SAE1: variants seen among roughly 807,000 people sequenced by gnomAD.
SAE1 encodes the protein SUMO-activating enzyme subunit 1.
SAE1 carries 11 observed loss-of-function variants against 40.6 expected under a neutral mutation model. That is an observed-to-expected ratio of 0.27 (90% CI 0.17 to 0.45). The LOEUF is 0.45. Ranked by LOEUF, SAE1 falls within the 20% of genes least tolerant of loss-of-function variation. SAE1 has a pLI of 1.00. For synonymous variants in SAE1, 155 were observed against 154.3 expected (o/e 1.00, Z -0.03); for missense variants, 373 against 427.3 (o/e 0.87, Z 1.12).
intron 6 of SAE1, among the ~76,000 whole-genome samples, chr19:47,191,659 A>G (rs1487005008): frequency 1.3e-5 from 2 of 152,134 alleles, no homozygotes; most frequent in East Asian, 3.8e-4. Context: ...TTTCTTTGTT[A>G]CTGGGACACA....
At chr19:47,138,346 A>G (rs1257405027) in intron 1 of SAE1, among the ~76,000 whole-genome samples, 2 of 152,218 alleles carry the variant, frequency 1.3e-5, no homozygotes, top group Non-Finnish European at 2.9e-5. Flanking sequence ...GCCTGGCCAG[A>G]AGTTACCTTC....
chr19:47,209,280 C>T lies in SAE1; in HGVS notation c.*29C>T, dbSNP rs776202876. On this transcript the variant is annotated 3_prime_UTR_variant, in exon 9 of 9. Coordinates refer to ENST00000270225, the MANE Select transcript of SAE1 (RefSeq NM_005500.3). ...CAAGATTTGGCAGCCCCAGAGATGC[C>T]AACTGCAGCATGCCCACCTGTATTC... 1 of 1,614,120 alleles carries T rather than the reference C, an allele frequency of 6.2e-7. No homozygotes were observed.
intron 6 of SAE1, among the ~76,000 whole-genome samples, chr19:47,178,154 T>A (rs1044028908): frequency 8.6e-5 from 13 of 151,556 alleles, no homozygotes; most frequent in African/African-American, 3.2e-4. Flanking sequence ...GGCAGGAGAA[T>A]CGCTTGAAAA....
intron 6 of SAE1, among the ~76,000 whole-genome samples, chr19:47,172,071 A>AG (rs1414817080): frequency 2.0e-5 from 3 of 151,104 alleles, no homozygotes; most frequent in Admixed American, 6.6e-5. Flanking sequence ...GGTGCCCACC[A>AG]GCACACCCAG....
At chr19:47,203,840 C>A (rs569646417) in intron 8 of SAE1, 100 bp downstream of exon 8, 2 of 1,046,306 alleles carry the variant, frequency 1.9e-6, no homozygotes, top group African/African-American at 3.1e-5. Context: ...TGCTTTCTCT[C>A]ACCCCATTCA....
chr19:47,168,409 T>G lies in SAE1; in HGVS notation c.628-1409T>G, dbSNP rs569162134. ...GCCTCGACCTCCTGTGCTAAAACAG[T>G]TCTCTTGCCTCAGCCTCCTGTGAAG... On this transcript the variant is annotated intron_variant, in intron 5 of 8. Coordinates refer to ENST00000270225, the MANE Select transcript of SAE1 (RefSeq NM_005500.3). 4.7e-4 allele frequency among the ~76,000 whole-genome samples: 71 copies of G among 151,990 alleles called. 1 individual carries two copies. The South Asian group carries it at 0.013, about 27-fold the overall frequency.
chr19:47,138,146 C>T (rs1294349418), intron 1 of SAE1, among the ~76,000 whole-genome samples: 1 of 152,156 alleles, frequency 6.6e-6, no homozygotes, highest in Non-Finnish European at 1.5e-5. Flanking sequence ...CGGGTTCAGG[C>T]AATTCTCCTG....
chr19:47,140,231 C>T (rs963738154), intron 1 of SAE1, among the ~76,000 whole-genome samples: 5 of 151,838 alleles, frequency 3.3e-5, no homozygotes, highest in African/African-American at 1.2e-4. Flanking sequence ...CTTAGCCTCC[C>T]GAGTAGCTGG....
chr19:47,182,506 C>T (rs1258195590), intron 6 of SAE1, among the ~76,000 whole-genome samples: 2 of 144,892 alleles, frequency 1.4e-5, no homozygotes, highest in East Asian at 2.2e-4. Flanking sequence ...TGCGCGCACG[C>T]ACGCGCGCGC....
chr19:47,164,699 A>G (rs2058380411), intron 5 of SAE1, among the ~76,000 whole-genome samples: 1 of 113,504 alleles, frequency 8.8e-6, no homozygotes, highest in African/African-American at 3.5e-5. Context: ...CCCAGGCGGG[A>G]GTGCAGTGGC....
intron 5 of SAE1, among the ~76,000 whole-genome samples, chr19:47,156,098 C>T (rs138012905): frequency 3.9e-4 from 59 of 151,422 alleles, no homozygotes; most frequent in Admixed American, 2.7e-3. Flanking sequence ...AGCAAGACCC[C>T]GTGTCTACAA....
chr19:47,173,791 T>C (rs949351606), intron 6 of SAE1, among the ~76,000 whole-genome samples: 16 of 150,992 alleles, frequency 1.1e-4, no homozygotes, highest in Middle Eastern at 3.4e-3. Flanking sequence ...CTTTTCTTTT[T>C]TTTTTTTTTT....
chr19:47,191,947 G>C (rs376278271), intron 6 of SAE1, among the ~76,000 whole-genome samples: 1 of 151,684 alleles, frequency 6.6e-6, no homozygotes. Flanking sequence ...CCAGCTACTC[G>C]GGAGGCTGAG....
intron 7 of SAE1, among the ~76,000 whole-genome samples, 181 bp from the exon 8 acceptor site, chr19:47,203,490 T>C (rs1301143435): frequency 1.3e-5 from 2 of 152,236 alleles, no homozygotes; most frequent in African/African-American, 2.4e-5. Context: ...CAACCACTTA[T>C]GAATCCCTTG....
Position 47,175,107 on chromosome 19 carries a change from A to ATTTTTTTTTTTTTTTT in SAE1, c.733+5193_733+5208dup, listed in dbSNP as rs916783073. The stretch of plus-strand genomic sequence containing the variant: ...TGGAAATAATTTAAAAGTGGCCTTG[A>ATTTTTTTTTTTTTTTT]TTTTTTTTTTTTTTTTTTTTTTTTG... On this transcript the variant is annotated intron_variant, in intron 6 of 8. Coordinates refer to ENST00000270225, the MANE Select transcript of SAE1 (RefSeq NM_005500.3). Among the ~76,000 whole-genome samples the ATTTTTTTTTTTTTTTT allele has an allele frequency of 2.2e-5, 2 of 91,706 alleles. 1 individual carries two copies. The highest frequency in any genetic ancestry group is 4.1e-5 in the Non-Finnish European group (2 of 49,148). The allele number at this position is 91,706 out of a possible 152,430, so 60.2% of individuals were successfully genotyped here.
intron 7 of SAE1, among the ~76,000 whole-genome samples, chr19:47,197,622 G>A (rs149083346): frequency 5.9e-5 from 9 of 152,286 alleles, no homozygotes; most frequent in Non-Finnish European, 7.3e-5. Flanking sequence ...GGCAATGTAA[G>A]ATCTGTAAAC....
chr19:47,146,049 G>GT (rs11418627), intron 2 of SAE1, among the ~76,000 whole-genome samples: 151,830 of 151,832 alleles, frequency 1, 75,914 homozygotes, highest in Non-Finnish European at 1. Flanking sequence ...AACAAGGAGG[G>GT]TTGTCAAGAT....
intron 6 of SAE1, among the ~76,000 whole-genome samples, chr19:47,192,398 G>A (rs747360315): frequency 6.6e-6 from 1 of 151,656 alleles, no homozygotes; most frequent in Admixed American, 6.6e-5. Flanking sequence ...AAAAGCGTCC[G>A]CCACCATGCC....
intron 7 of SAE1, among the ~76,000 whole-genome samples, chr19:47,200,443 A>G (rs1252361335): frequency 2.7e-5 from 3 of 111,876 alleles, no homozygotes; most frequent in East Asian, 4.9e-4. Context: ...GGGTCTCACT[A>G]TGTTCACCAG....
Sources: allele counts gnomAD v4.1 joint callset (sites outside exome capture counted in the v4.1 genomes callset), GRCh38; gene constraint gnomAD v4.1.1; transcripts MANE v1.5; gene names NCBI Gene and HGNC (gene_info 2026-07-23, HGNC 2026-07-21).